The following PAQR8 variants were observed in gnomAD, a reference collection of about 807,000 sequenced individuals.
The protein encoded by PAQR8 is membrane progestin receptor beta.
PAQR8 carries 17 observed loss-of-function variants against 25.2 expected under a neutral mutation model. The ratio of observed to expected loss-of-function variants is 0.67; its 90% confidence interval spans 0.46 to 1.01. PAQR8 has a LOEUF of 1.01. PAQR8 is among the 50% of genes least tolerant of loss of function. The pLI is 0.00. For synonymous variants in PAQR8, 204 were observed against 190.6 expected (o/e 1.07, Z -0.58); for missense variants, 392 against 448.4 (o/e 0.87, Z 1.14).
intron 1 of PAQR8, among the ~76,000 whole-genome samples, chr6:52,394,212 C>T (rs999727620): frequency 6.6e-6 from 1 of 152,150 alleles, no homozygotes; most frequent in African/African-American, 2.4e-5. Context: ...TGATAGGAGA[C>T]GTGCCCAGGT....
intron 1 of PAQR8, among the ~76,000 whole-genome samples, chr6:52,394,509 T>C (rs1298213473): frequency 2.0e-5 from 3 of 152,200 alleles, no homozygotes; most frequent in Admixed American, 6.5e-5. Context: ...GGGGTTTTGA[T>C]TTTTTCCAAG....
In PAQR8 at chr6:52,403,897, G is replaced by A. The variant is rs368517740; in HGVS notation, c.684G>A (p.Val228=). 1.2e-6 allele frequency: 2 copies of A among 1,614,100 alleles called. No individual in the cohort carries two copies. The highest frequency in any genetic ancestry group is 1.7e-6 in the Non-Finnish European group (2 of 1,180,048). Residue 228 remains valine (V), a synonymous_variant, in exon 2 of 2, where the codon GTG becomes GTA. Transcript: ENST00000442253. The part of the protein sequence containing the change: ...GLAFILDISP[V]AHRVALCHLA... The stretch of plus-strand genomic sequence containing the variant: ...CTTTTATCCTAGACATCAGCCCTGT[G>A]GCACACCGTGTGGCGCTCTGTCACC...
chr6:52,380,041 G>A (rs748581827), intron 1 of PAQR8, among the ~76,000 whole-genome samples: 2 of 152,210 alleles, frequency 1.3e-5, no homozygotes, highest in African/African-American at 4.8e-5. Context: ...GATTACAGGC[G>A]TGAGCCACCC....
In PAQR8 at chr6:52,407,678, C is replaced by CAAAAAAAAA. The variant is rs5876275; in HGVS notation, c.*3424_*3432dup. 2 of 72,800 alleles carry CAAAAAAAAA rather than the reference C, an allele frequency of 2.7e-5. No homozygotes were observed. Among genetic ancestry groups the CAAAAAAAAA allele is most frequent in the Non-Finnish European group, 4.8e-5 (2 of 41,840 alleles). 4.5% of individuals were successfully genotyped at this position (72,800 alleles called of 1,614,324 possible). On this transcript the variant is annotated 3_prime_UTR_variant, in exon 2 of 2. Coordinates refer to ENST00000442253, the MANE Select transcript of PAQR8 (RefSeq NM_133367.5). The stretch of plus-strand genomic sequence containing the variant: ...TTGGTCTTGTGTTTTGCTTGCTTGG[C>CAAAAAAAAA]AAAAAAAAAAAAAAAAAAAAAAAAA...
intron 1 of PAQR8, among the ~76,000 whole-genome samples, chr6:52,370,759 A>G (rs1210598021): frequency 6.6e-6 from 1 of 152,166 alleles, no homozygotes; most frequent in Non-Finnish European, 1.5e-5. Context: ...GGCCCTGAGG[A>G]AATCACTTTA....
Position 52,362,894 on chromosome 6 carries a change from G to C in PAQR8, c.-53+645G>C, listed in dbSNP as rs1016375969. 2.0e-5 allele frequency among the ~76,000 whole-genome samples: 3 copies of C among 152,136 alleles called. No individual in the cohort carries two copies. Among genetic ancestry groups the C allele is most frequent in the African/African-American group, 7.2e-5 (3 of 41,434 alleles). ...AGGGGGCTTCTCTGAGAGGGTGGGC[G>C]CGAGGAGCGGAGTTGTGATGGGAAC... is the stretch of plus-strand genomic sequence containing the variant. On this transcript the variant is annotated intron_variant, in intron 1 of 1. Transcript: ENST00000442253. This position sits in a 1 kb window ranked among gnomAD's most constrained non-coding sequence, Gnocchi z 4.1.
chr6:52,395,862 G>T (rs1234518112), intron 1 of PAQR8, among the ~76,000 whole-genome samples: 1 of 152,080 alleles, frequency 6.6e-6, no homozygotes, highest in Non-Finnish European at 1.5e-5. Flanking sequence ...TTTTTTATGA[G>T]GACAATGACA....
At chr6:52,400,082 T>C (rs1763812837) in intron 1 of PAQR8, among the ~76,000 whole-genome samples, 1 of 152,212 alleles carries the variant, frequency 6.6e-6, no homozygotes, top group Admixed American at 6.5e-5. Flanking sequence ...ACTCCCTCTT[T>C]CTGTGTTTCT....
intron 1 of PAQR8, among the ~76,000 whole-genome samples, chr6:52,385,228 TGA>T (rs1763617596): frequency 1.3e-5 from 2 of 152,292 alleles, no homozygotes; most frequent in South Asian, 4.1e-4. Context: ...CCCTTTCACT[TGA>T]GAGGGGGAAA....
intron 1 of PAQR8, among the ~76,000 whole-genome samples, chr6:52,388,965 G>C (rs532866869): frequency 6.6e-6 from 1 of 152,176 alleles, no homozygotes; most frequent in Admixed American, 6.5e-5. Context: ...TCTGCCTTTT[G>C]TATGCAACAA....
rs1445049252 is a variant in PAQR8, at chr6:52,407,620, C to T, written c.*3342C>T. The T allele has an allele frequency of 6.8e-6, 1 of 146,966 alleles. No homozygotes were observed. The highest frequency in any genetic ancestry group is 1.5e-5 in the Non-Finnish European group (1 of 65,274). 9.1% of individuals were successfully genotyped at this position (146,966 alleles called of 1,614,324 possible). A position where few individuals can be genotyped will look rare whatever the true frequency, so the allele number is the denominator to read the frequency against. Reference sequence around the variant, plus strand: ...ATGTCTTACTCAGAAAGGGCACTGCCATTGTCCCCAAGGCTTCTGTCTACT... The same window carrying T: ...ATGTCTTACTCAGAAAGGGCACTGCTATTGTCCCCAAGGCTTCTGTCTACT... On this transcript the variant is annotated 3_prime_UTR_variant, in exon 2 of 2. Transcript: ENST00000442253.
At chr6:52,395,879 A>G (rs1166801135) in intron 1 of PAQR8, among the ~76,000 whole-genome samples, 1 of 152,184 alleles carries the variant, frequency 6.6e-6, no homozygotes, top group Non-Finnish European at 1.5e-5. Context: ...GACACTGAGT[A>G]ATTGATTGTC....
In PAQR8 at chr6:52,406,638, C is replaced by T. The variant is rs766451917; in HGVS notation, c.*2360C>T. 3.4e-5 allele frequency: 14 copies of T among 408,442 alleles called. No homozygotes were observed. The highest frequency in any genetic ancestry group is 4.4e-5 in the Non-Finnish European group (10 of 226,070). 25.3% of individuals were successfully genotyped at this position (408,442 alleles called of 1,614,324 possible). On this transcript the variant is annotated 3_prime_UTR_variant, in exon 2 of 2. Coordinates refer to ENST00000442253, the MANE Select transcript of PAQR8 (RefSeq NM_133367.5). ...AGTGCAGTGATGCAATCACGGCTCA[C>T]TGCAGCCTCGACCTCCCCAGCTCAA...
intron 1 of PAQR8, among the ~76,000 whole-genome samples, chr6:52,383,669 A>AC (rs535109228): frequency 3.3e-5 from 5 of 151,818 alleles, no homozygotes; most frequent in Non-Finnish European, 7.4e-5. Context: ...TCAAAAAAAA[A>AC]AAAAAAAACC....
intron 1 of PAQR8, among the ~76,000 whole-genome samples, chr6:52,368,708 T>G (rs1315008275): frequency 6.6e-6 from 1 of 152,192 alleles, no homozygotes; most frequent in Non-Finnish European, 1.5e-5. Flanking sequence ...GTTTTATATA[T>G]CTTCTCAAAT....
chr6:52,403,981 G>C lies in PAQR8; in HGVS notation c.768G>C (p.Leu256=), dbSNP rs749354910. The change falls in exon 2 of 2, where the codon CTG becomes CTC. Residue 256 remains leucine, a synonymous_variant. Coordinates refer to ENST00000442253, the MANE Select transcript of PAQR8 (RefSeq NM_133367.5). The part of the protein sequence containing the change: ...WYHTLQILFF[L]VSAYFFSCPV... ...ACACCCTCCAGATCCTCTTCTTCCT[G>C]GTTAGCGCTTATTTCTTCTCCTGCC... The C allele has an allele frequency of 7.4e-6, 12 of 1,614,084 alleles. No individual in the cohort carries two copies. The highest frequency in any genetic ancestry group is 1.6e-4 in the Middle Eastern group (1 of 6,084).
intron 1 of PAQR8, among the ~76,000 whole-genome samples, chr6:52,372,588 T>C (rs74680118): frequency 0.13 from 19,237 of 152,124 alleles, 1,635 homozygotes; most frequent in Non-Finnish European, 0.19. Flanking sequence ...GAGTTTTACA[T>C]GTATTTCTCT....
intron 1 of PAQR8, among the ~76,000 whole-genome samples, chr6:52,389,551 G>C (rs937716000): frequency 2.6e-5 from 4 of 152,304 alleles, no homozygotes; most frequent in Middle Eastern, 3.4e-3. Flanking sequence ...GCCTGGAGAA[G>C]GCTTTGTGGT....
intron 1 of PAQR8, among the ~76,000 whole-genome samples, chr6:52,398,402 T>C (rs1002002739): frequency 6.6e-6 from 1 of 151,868 alleles, no homozygotes; most frequent in African/African-American, 2.4e-5. Flanking sequence ...GTGACGGGGT[T>C]TCACTATATT....
Sources: allele counts gnomAD v4.1 joint callset (sites outside exome capture counted in the v4.1 genomes callset), GRCh38; gene constraint gnomAD v4.1.1; non-coding constraint Gnocchi (gnomAD v3.1); transcripts MANE v1.5; gene names NCBI Gene and HGNC (gene_info 2026-07-23, HGNC 2026-07-21).